SRCIN1: variants seen among roughly 807,000 people sequenced by gnomAD.
SRCIN1 encodes P130Cas-associated protein.
Under a neutral mutation model 116.2 loss-of-function variants are expected in SRCIN1, and 50 were observed. The ratio of observed to expected loss-of-function variants is 0.43; its 90% CI spans 0.34 to 0.54. The LOEUF is 0.54. Ranked by LOEUF, SRCIN1 falls within the 20% of genes least tolerant of loss-of-function variation. The pLI is 0.02. For missense variants in SRCIN1, 1,446 were observed against 1,672.0 expected, an observed-to-expected ratio of 0.86 and a Z score of 2.36; for synonymous variants, 736 against 750.0, an observed-to-expected ratio of 0.98 and a Z score of 0.30.
chr17:38,542,961 G>C (rs989388910), intron 18 of SRCIN1: 32 of 413,924 alleles, frequency 7.7e-5, no homozygotes, highest in African/African-American at 6.5e-4. Flanking sequence ...GAATGGGCCT[G>C]TCATACAGGA....
chr17:38,537,120 G>A (rs558076630), intron 18 of SRCIN1, among the ~76,000 whole-genome samples: 1 of 152,242 alleles, frequency 6.6e-6, no homozygotes, highest in African/African-American at 2.4e-5. Context: ...GGAGGTTGCA[G>A]TGAGCCGAGA....
chr17:38,563,645 C>A lies in SRCIN1; in HGVS notation c.542-124G>T. On this transcript the variant is annotated intron_variant, in intron 4 of 18. Coordinates refer to ENST00000617146, the MANE Select transcript of SRCIN1 (RefSeq NM_025248.3). The surrounding 1 kb of genome is among the most constrained non-coding windows in gnomAD (Gnocchi z 5.8). ...CGGCAGGGTCTGAGGCTAGACGCCG[C>A]CCCCGAGTGCAGATGCACCCAGGCA... is the stretch of plus-strand genomic sequence containing the variant. The A allele has an allele frequency of 2.3e-6, 3 of 1,329,694 alleles. No individual in the cohort carries two copies. The highest frequency in any genetic ancestry group is 2.1e-6 in the Non-Finnish European group (2 of 959,160). The allele number at this position is 1,329,694 out of a possible 1,614,324, so 82.4% of individuals were successfully genotyped here.
intron 18 of SRCIN1, among the ~76,000 whole-genome samples, chr17:38,535,929 CTTCAGCATTT>C (rs1476755080): frequency 6.6e-6 from 1 of 152,190 alleles, no homozygotes; most frequent in Non-Finnish European, 1.5e-5. Context: ...GCTCCTACCC[CTTCAGCATTT>C]TTCAAGAGCC....
chr17:38,588,546 G>A (rs778892769), intron 1 of SRCIN1, among the ~76,000 whole-genome samples: 10 of 143,026 alleles, frequency 7.0e-5, no homozygotes, highest in Admixed American at 1.3e-4. Context: ...AGGAAGGCCG[G>A]TGCCTGTCCT....
At chr17:38,595,531 T>C (rs1324624130) in intron 1 of SRCIN1, among the ~76,000 whole-genome samples, 4 of 152,158 alleles carry the variant, frequency 2.6e-5, no homozygotes, top group Non-Finnish European at 4.4e-5. Flanking sequence ...TAAGTCTTTA[T>C]TGAATAAATG....
chr17:38,566,458 G>C (rs752615703), intron 3 of SRCIN1, among the ~76,000 whole-genome samples: 2 of 152,124 alleles, frequency 1.3e-5, no homozygotes, highest in Non-Finnish European at 2.9e-5. Flanking sequence ...CACCATAAGG[G>C]AGATGGCAGA....
At chr17:38,569,675 AC>A (rs1906953467) in intron 2 of SRCIN1, among the ~76,000 whole-genome samples, 1 of 152,102 alleles carries the variant, frequency 6.6e-6, no homozygotes, top group Non-Finnish European at 1.5e-5. Context: ...AAACAAACAA[AC>A]AACAACAACC....
At chr17:38,600,031 G>A (rs886830337) in intron 1 of SRCIN1, among the ~76,000 whole-genome samples, 1 of 152,180 alleles carries the variant, frequency 6.6e-6, no homozygotes, top group South Asian at 2.1e-4. Context: ...GGCACTGTGC[G>A]GGATGTTTTC....
chr17:38,596,445 A>G (rs1475048572), intron 1 of SRCIN1, among the ~76,000 whole-genome samples: 1 of 152,144 alleles, frequency 6.6e-6, no homozygotes, highest in Non-Finnish European at 1.5e-5. Flanking sequence ...CACAGAAAAC[A>G]TGGGGTCCCC....
chr17:38,557,496 C>A (rs1312065359), intron 11 of SRCIN1, among the ~76,000 whole-genome samples: 2 of 152,142 alleles, frequency 1.3e-5, no homozygotes, highest in African/African-American at 4.8e-5. Context: ...TGTCTCAGAT[C>A]CTTATCACTG....
At chr17:38,595,065 G>A (rs956260710) in intron 1 of SRCIN1, among the ~76,000 whole-genome samples, 2 of 152,080 alleles carry the variant, frequency 1.3e-5, no homozygotes, top group South Asian at 2.1e-4. Flanking sequence ...ATAGACAGAG[G>A]ACAGGCCCCC....
At chr17:38,548,125 A>G (rs989230616) in intron 17 of SRCIN1, among the ~76,000 whole-genome samples, 4 of 152,128 alleles carry the variant, frequency 2.6e-5, no homozygotes, top group African/African-American at 9.7e-5. Context: ...GAGTGTGGTG[A>G]CTGACACTGC....
rs1567846097 is a variant in SRCIN1 at position 38,533,442 on chromosome 17, A to AACAGGGG, written c.3418-18_3418-12dup. On this transcript the variant is annotated splice_polypyrimidine_tract_variant and intron_variant, in intron 18 of 18. Coordinates refer to ENST00000617146, the MANE Select transcript of SRCIN1 (RefSeq NM_025248.3). Reference sequence around the variant, plus strand: ...AGATGGTTTAGTGGCCTGGAACAAAAACAGGGGTCAGGGGTCAGAGAGCGG... The same window carrying AACAGGGG: ...AGATGGTTTAGTGGCCTGGAACAAAAACAGGGGACAGGGGTCAGGGGTCAGAGAGCGG... 1 of 1,612,416 alleles carries AACAGGGG rather than the reference A, an allele frequency of 6.2e-7. No individual in the cohort carries two copies. Among genetic ancestry groups the AACAGGGG allele is most frequent in the East Asian group, 2.2e-5 (1 of 44,804 alleles).
At chr17:38,565,945 C>A (rs941910140) in intron 3 of SRCIN1, among the ~76,000 whole-genome samples, 1 of 152,114 alleles carries the variant, frequency 6.6e-6, no homozygotes, top group Non-Finnish European at 1.5e-5. Context: ...TCTAGGCTGA[C>A]CACCAGTGCC....
intron 9 of SRCIN1, 89 bp from the exon 10 acceptor site, chr17:38,559,861 C>T: frequency 1.4e-6 from 2 of 1,434,712 alleles, no homozygotes; most frequent in Non-Finnish European, 1.9e-6. Flanking sequence ...TACTCTCCGA[C>T]CCCACACAGT....
chr17:38,562,296 C>A lies in SRCIN1; in HGVS notation c.867G>T (p.Ser289=). Residue 289 remains serine, a synonymous_variant, in exon 7 of 19, where the codon TCG becomes TCT. Coordinates refer to ENST00000617146, the MANE Select transcript of SRCIN1 (RefSeq NM_025248.3). This position sits in a 1 kb window ranked among gnomAD's most constrained non-coding sequence, Gnocchi z 4.2. Reference sequence around the variant, plus strand: ...ACAGGTTGTTGAGGCGCCGCGTGGGCGAGGACTCCCGCGATGCGTACACCA... The same window carrying A: ...ACAGGTTGTTGAGGCGCCGCGTGGGAGAGGACTCCCGCGATGCGTACACCA... The part of the protein sequence containing the change: ...REMVYASRES[S]PTRRLNNLSP... 1 of 1,478,208 alleles carries A rather than the reference C, an allele frequency of 6.8e-7. No homozygotes were observed. Among genetic ancestry groups the A allele is most frequent in the African/African-American group, 1.5e-5 (1 of 67,910 alleles). 91.6% of individuals were successfully genotyped at this position (1,478,208 alleles called of 1,614,324 possible). A position where few individuals can be genotyped will look rare whatever the true frequency, so the allele number is the denominator to read the frequency against.
intron 1 of SRCIN1, among the ~76,000 whole-genome samples, chr17:38,603,305 AC>A (rs1239207767): frequency 2.0e-5 from 3 of 151,404 alleles, no homozygotes; most frequent in African/African-American, 7.3e-5. Flanking sequence ...CATCTTTAAG[AC>A]GCCTGGAACC....
In SRCIN1 at chr17:38,578,493, C is replaced by T; in HGVS notation, c.321G>A (p.Glu107=). ...ALRGQQDRMR[E]QPNYWSFKTR... ...CCGCAGCCGGGAGCCCACTCACCTG[C>T]TCTCGCATCCTGTCCTGCTGGCCTC... Residue 107 remains glutamate, a synonymous_variant, in exon 2 of 19, where the codon GAG becomes GAA. Coordinates refer to ENST00000617146, the MANE Select transcript of SRCIN1 (RefSeq NM_025248.3). 1 of 1,582,438 alleles carries T rather than the reference C, an allele frequency of 6.3e-7. No individual in the cohort carries two copies. Among genetic ancestry groups the T allele is most frequent in the Non-Finnish European group, 8.6e-7 (1 of 1,157,556 alleles).
At position 38,562,691 on chromosome 17, in the gene SRCIN1, C is replaced by G; in HGVS notation, c.834+136G>C. On this transcript the variant is annotated intron_variant, in intron 6 of 18. Transcript: ENST00000617146. The surrounding 1 kb of genome is among the most constrained non-coding windows in gnomAD (Gnocchi z 4.2). ...GGGAAAGTGGCAGGTGGGACAGGGG[C>G]TCTTCCCTAACCCCTCAGCCCCTAT... 1.3e-6 allele frequency: 1 copy of G among 751,892 alleles called. No individual in the cohort carries two copies. The highest frequency in any genetic ancestry group is 2.1e-6 in the Non-Finnish European group (1 of 465,132). 46.6% of individuals were successfully genotyped at this position (751,892 alleles called of 1,614,324 possible).
Sources: gnomAD v4.1 joint callset for allele counts (sites outside exome capture counted in the v4.1 genomes callset) on GRCh38, gnomAD v4.1.1 for gene constraint, Gnocchi (gnomAD v3.1) non-coding constraint, MANE v1.5 for transcripts, NCBI Gene and HGNC (gene_info 2026-07-23, HGNC 2026-07-21) for gene names.